Variants in DNER observed in about 807,000 individuals in gnomAD.
The protein encoded by DNER is delta and Notch-like epidermal growth factor-related receptor.
Under a neutral mutation model 78.2 loss-of-function variants are expected in DNER, and 33 were observed. That is an observed-to-expected ratio of 0.42 (90% CI 0.32 to 0.56). DNER has a LOEUF of 0.56. Among genes scored for constraint, DNER ranks in the 20% least tolerant of loss-of-function variants. The probability of loss-of-function intolerance (pLI) is 0.11; values close to 1 mark genes in which losing one functional copy is unlikely to be tolerated. For synonymous variants in DNER, 417 were observed against 384.8 expected, an observed-to-expected ratio of 1.08 and a Z score of -0.98; for missense variants, 918 against 975.3, an observed-to-expected ratio of 0.94 and a Z score of 0.78.
intron 7 of DNER, among the ~76,000 whole-genome samples, chr2:229,453,835 GCAGA>G (rs959290762): frequency 6.6e-6 from 1 of 150,668 alleles, no homozygotes; most frequent in Non-Finnish European, 1.5e-5. Flanking sequence ...GGACAGACAG[GCAGA>G]CAGACGGATG....
intron 6 of DNER, among the ~76,000 whole-genome samples, chr2:229,498,008 C>T (rs943886143): frequency 1.3e-4 from 18 of 142,974 alleles, no homozygotes; most frequent in African/African-American, 4.7e-4. Context: ...CCCTGATGAA[C>T]ATAGAAGAAA....
chr2:229,431,266 G>A (rs1041244180), intron 8 of DNER, among the ~76,000 whole-genome samples: 1 of 152,162 alleles, frequency 6.6e-6, no homozygotes, highest in South Asian at 2.1e-4. Flanking sequence ...GAAGACGACA[G>A]CTCACTTGTG....
Position 229,366,873 on chromosome 2 carries a change from C to G in DNER, c.2102G>C (p.Arg701Thr). The G allele has an allele frequency of 6.2e-7, 1 of 1,614,100 alleles. No individual in the cohort carries two copies. Among genetic ancestry groups the G allele is most frequent in the Non-Finnish European group, 8.5e-7 (1 of 1,180,006 alleles). Residue 701 changes from arginine to threonine, a missense_variant and splice_region_variant, in exon 12 of 13, where the codon AGG becomes ACG. Coordinates refer to ENST00000341772, the MANE Select transcript of DNER (RefSeq NM_139072.4). ...TCCCCACGCCGCCCCCACAGCCAACCTGGCATGCCGGATGGATGCAATGGC... is the reference window on the plus strand; with the variant it reads ...TCCCCACGCCGCCCCCACAGCCAACGTGGCATGCCGGATGGATGCAATGGC... ...SNAIASIRHA[R>T]FGKKSRPAMY...
rs758631766 is a variant in DNER, at chr2:229,512,898, A to G, written c.1032T>C (p.Gly344=). ...FSCTCEEQYV[G]TFCEEYDACQ... ...AAGCATCGTATTCTTCACAGAAAGT[A>G]CCCACGTACTGCTCCTCACAGGTAC... Residue 344 remains glycine, a synonymous_variant, in exon 6 of 13, where the codon GGT becomes GGC. Coordinates refer to ENST00000341772, the MANE Select transcript of DNER (RefSeq NM_139072.4). 3 of 1,614,140 alleles carry G rather than the reference A, an allele frequency of 1.9e-6. No individual in the cohort carries two copies. The highest frequency in any genetic ancestry group is 2.5e-6 in the Non-Finnish European group (3 of 1,180,008).
chr2:229,418,124 G>A lies in DNER; in HGVS notation c.1593C>T (p.Cys531=). The change falls in exon 9 of 13, where the codon TGC becomes TGT. Residue 531 remains cysteine (C), a synonymous_variant. Transcript: ENST00000341772. Reference sequence around the variant, plus strand: ...GCCTCTCACCTTTGTATTCTGCCAGGCACACACACTCATAGCCATTAACGA... The same window carrying A: ...GCCTCTCACCTTTGTATTCTGCCAGACACACACACTCATAGCCATTAACGA... The part of the protein sequence containing the change: ...RDLVNGYECV[C]LAEYKGTHCE... 1.2e-6 allele frequency: 2 copies of A among 1,614,160 alleles called. No individual in the cohort carries two copies. The highest frequency in any genetic ancestry group is 1.1e-5 in the South Asian group (1 of 91,086).
chr2:229,454,572 A>C (rs921382274), intron 7 of DNER, among the ~76,000 whole-genome samples: 1 of 152,106 alleles, frequency 6.6e-6, no homozygotes, highest in African/African-American at 2.4e-5. Flanking sequence ...CTGCTAGCAT[A>C]CCTCAGTATA....
intron 1 of DNER, among the ~76,000 whole-genome samples, chr2:229,681,397 A>G (rs1288423261): frequency 6.6e-6 from 1 of 152,146 alleles, no homozygotes; most frequent in Non-Finnish European, 1.5e-5. Flanking sequence ...ATTAATAATA[A>G]CCAGAAAAGA....
chr2:229,500,888 C>G (rs1170975198), intron 6 of DNER, among the ~76,000 whole-genome samples: 2 of 152,076 alleles, frequency 1.3e-5, no homozygotes, highest in Non-Finnish European at 2.9e-5. Flanking sequence ...TCCATTGTAT[C>G]ATTCTTATGC....
chr2:229,392,877 C>T (rs1693046422), intron 10 of DNER, among the ~76,000 whole-genome samples: 2 of 152,072 alleles, frequency 1.3e-5, no homozygotes, highest in South Asian at 4.1e-4. Flanking sequence ...CACTCAACAA[C>T]TTAATCCACA....
At chr2:229,457,317 C>T (rs1694597196) in intron 7 of DNER, among the ~76,000 whole-genome samples, 1 of 151,834 alleles carries the variant, frequency 6.6e-6, no homozygotes, top group South Asian at 2.1e-4. Flanking sequence ...GCAAAAAGAA[C>T]ATTGAATTAT....
chr2:229,369,092 C>G (rs1433785918), intron 11 of DNER, among the ~76,000 whole-genome samples: 4 of 152,110 alleles, frequency 2.6e-5, no homozygotes, highest in Admixed American at 6.5e-5. Flanking sequence ...GCTTCGGTTT[C>G]TTTGTTTGTA....
At chr2:229,424,493 T>G (rs1390089982) in intron 8 of DNER, among the ~76,000 whole-genome samples, 2 of 152,166 alleles carry the variant, frequency 1.3e-5, no homozygotes, top group Non-Finnish European at 2.9e-5. Flanking sequence ...TTTTGGAGGC[T>G]AGAAGTCCAT....
At chr2:229,675,770 G>C (rs1221638014) in intron 1 of DNER, among the ~76,000 whole-genome samples, 2 of 152,140 alleles carry the variant, frequency 1.3e-5, no homozygotes, top group Admixed American at 6.5e-5. Context: ...CTGGGGGGTG[G>C]AAACCAGACC....
intron 6 of DNER, among the ~76,000 whole-genome samples, chr2:229,508,204 T>C (rs1369664855): frequency 1.3e-5 from 2 of 152,230 alleles, no homozygotes; most frequent in African/African-American, 4.8e-5. Flanking sequence ...ACAAACTCAC[T>C]TGTATACTGC....
chr2:229,477,291 C>G, intron 6 of DNER, 38 bp from the exon 7 acceptor site: 1 of 1,510,120 alleles, frequency 6.6e-7, no homozygotes, highest in South Asian at 1.2e-5. Context: ...AAAATAAGCT[C>G]TTCCAGACCC....
At chr2:229,703,269 A>C (rs1196035326) in intron 1 of DNER, among the ~76,000 whole-genome samples, 1 of 152,222 alleles carries the variant, frequency 6.6e-6, no homozygotes, top group African/African-American at 2.4e-5. Context: ...TTTTAAACAA[A>C]GGTACCAAAA....
At chr2:229,702,916 C>A (rs1271848003) in intron 1 of DNER, among the ~76,000 whole-genome samples, 759 of 103,718 alleles carry the variant, frequency 7.3e-3, no homozygotes, top group South Asian at 9.4e-3. Flanking sequence ...GACTCCGCCT[C>A]AAAAAAAAAA....
intron 11 of DNER, among the ~76,000 whole-genome samples, chr2:229,384,726 C>T (rs1177628655): frequency 1.3e-5 from 2 of 152,128 alleles, no homozygotes; most frequent in African/African-American, 4.8e-5. Context: ...AGTTGAATCC[C>T]TGAATAGACC....
chr2:229,501,500 T>C (rs1338615012), intron 6 of DNER, among the ~76,000 whole-genome samples: 1 of 152,004 alleles, frequency 6.6e-6, no homozygotes, highest in Non-Finnish European at 1.5e-5. Flanking sequence ...ATTTAACAAA[T>C]TTGGAGCTGC....
Sources: allele counts gnomAD v4.1 joint callset (sites outside exome capture counted in the v4.1 genomes callset), GRCh38; gene constraint gnomAD v4.1.1; transcripts MANE v1.5; gene names NCBI Gene and HGNC (gene_info 2026-07-23, HGNC 2026-07-21).